The following B3GALT5 variants were observed in gnomAD, a reference collection of about 807,000 sequenced individuals.
The protein encoded by B3GALT5 is beta-1,3-galactosyltransferase 5.
For synonymous variants in B3GALT5, 156 were observed against 158.6 expected, an observed-to-expected ratio of 0.98 and a Z score of 0.12; for missense variants, 328 against 396.6, an observed-to-expected ratio of 0.83 and a Z score of 1.47.
intron 1 of B3GALT5, among the ~76,000 whole-genome samples, chr21:39,641,576 C>T (rs1445063987): frequency 6.6e-6 from 1 of 152,138 alleles, no homozygotes; most frequent in Non-Finnish European, 1.5e-5. Flanking sequence ...TCTGGAATAG[C>T]TCATTCCACC....
chr21:39,642,054 G>T (rs183725959), intron 1 of B3GALT5, among the ~76,000 whole-genome samples: 1 of 152,288 alleles, frequency 6.6e-6, no homozygotes, highest in Admixed American at 6.5e-5. Context: ...TGTCTGTCCT[G>T]TAGTACCTTG....
At position 39,661,458 on chromosome 21, in the gene B3GALT5, A is replaced by G; in HGVS notation, c.899A>G (p.Glu300Gly). 1 of 1,515,150 alleles carries G rather than the reference A, an allele frequency of 6.6e-7. No individual in the cohort carries two copies. Among genetic ancestry groups the G allele is most frequent in the South Asian group, 1.4e-5 (1 of 73,752 alleles). 93.9% of individuals were successfully genotyped at this position (1,515,150 alleles called of 1,614,324 possible). Reference sequence around the variant, plus strand: ...CTCTTGGACTACTGGCAGGCTCTAGAGAATTCCCGGGGGGAAGATTGTCCG... The same window carrying G: ...CTCTTGGACTACTGGCAGGCTCTAGGGAATTCCCGGGGGGAAGATTGTCCG... ...RTLLDYWQAL[E>G]NSRGEDCPPV is the part of the protein sequence containing the mutation. Residue 300 changes from glutamate (E) to glycine (G), a missense_variant, in exon 4 of 4, where the codon GAG becomes GGG. Transcript: ENST00000684187. The surrounding 1 kb of genome is among the most constrained non-coding windows in gnomAD (Gnocchi z 4.7).
In B3GALT5 at chr21:39,661,467, G is replaced by A. The variant is rs373479020; in HGVS notation, c.908G>A (p.Arg303Gln). ...TACTGGCAGGCTCTAGAGAATTCCC[G>A]GGGGGAAGATTGTCCGCCTGTCTGA... Reference protein sequence around the residue: ...LDYWQALENSRGEDCPPV With the variant: ...LDYWQALENSQGEDCPPV The change falls in exon 4 of 4, where the codon CGG becomes CAG. Residue 303 changes from arginine (R) to glutamine (Q), a missense_variant. Physicochemically the swap from Arg to Gln is conservative, Grantham distance 43 (BLOSUM62 1). Coordinates refer to ENST00000684187, the MANE Select transcript of B3GALT5 (RefSeq NM_001356336.2). This position sits in a 1 kb window ranked among gnomAD's most constrained non-coding sequence, Gnocchi z 4.7. 97 of 1,509,610 alleles carry A rather than the reference G, an allele frequency of 6.4e-5. No homozygotes were observed. The highest frequency in any genetic ancestry group is 1.8e-4 in the Middle Eastern group (1 of 5,544). 93.5% of individuals were successfully genotyped at this position (1,509,610 alleles called of 1,614,324 possible).
rs555727020 is a variant in B3GALT5, at chr21:39,665,165, A to C, written c.*3673A>C. ...GGCCACTCCATCTTCCTGCAGCTCAAGTGGGAAGCCCTGGAGCCATTCCGA... is the reference window on the plus strand; with the variant it reads ...GGCCACTCCATCTTCCTGCAGCTCACGTGGGAAGCCCTGGAGCCATTCCGA... On this transcript the variant is annotated 3_prime_UTR_variant, in exon 4 of 4. Coordinates refer to ENST00000684187, the MANE Select transcript of B3GALT5 (RefSeq NM_001356336.2). The C allele has an allele frequency of 6.6e-6, 1 of 152,176 alleles. No homozygotes were observed. The highest frequency in any genetic ancestry group is 6.5e-5 in the Admixed American group (1 of 15,274). 9.4% of individuals were successfully genotyped at this position (152,176 alleles called of 1,614,324 possible). A position where few individuals can be genotyped will look rare whatever the true frequency, so the allele number is the denominator to read the frequency against.
chr21:39,646,511 G>A lies in B3GALT5; in HGVS notation c.-272G>A, dbSNP rs1169193502. 1 of 152,168 alleles carries A rather than the reference G, an allele frequency of 6.6e-6. No individual in the cohort carries two copies. Among genetic ancestry groups the A allele is most frequent in the Non-Finnish European group, 1.5e-5 (1 of 68,032 alleles). The allele number at this position is 152,168 out of a possible 1,614,324, so 9.4% of individuals were successfully genotyped here. On this transcript the variant is annotated 5_prime_UTR_variant, in exon 2 of 4. Coordinates refer to ENST00000684187, the MANE Select transcript of B3GALT5 (RefSeq NM_001356336.2). The stretch of plus-strand genomic sequence containing the variant: ...ACATGAGCAGCTTCATTTCTCATTT[G>A]TTCATTCGAAAGTCTCCACTGGGCT...
chr21:39,655,628 T>TG (rs936914416), intron 2 of B3GALT5, among the ~76,000 whole-genome samples: 3 of 151,924 alleles, frequency 2.0e-5, no homozygotes, highest in South Asian at 2.1e-4. Flanking sequence ...ACAATTGGGG[T>TG]GGGGGGCATT....
In B3GALT5 at chr21:39,666,090, T is replaced by G. The variant is rs2079575624; in HGVS notation, c.*4598T>G. ...TTTTCAAAGTAAGCCAACACTGTGG[T>G]TTCACTTGAGTCAGTAAGTAGGAAA... On this transcript the variant is annotated 3_prime_UTR_variant, in exon 4 of 4. Transcript: ENST00000684187. The G allele has an allele frequency of 6.6e-6, 1 of 152,200 alleles. No homozygotes were observed. The highest frequency in any genetic ancestry group is 1.5e-5 in the Non-Finnish European group (1 of 68,026). The allele number at this position is 152,200 out of a possible 1,614,324, so 9.4% of individuals were successfully genotyped here. A position where few individuals can be genotyped will look rare whatever the true frequency, so the allele number is the denominator to read the frequency against.
intron 2 of B3GALT5, among the ~76,000 whole-genome samples, chr21:39,656,809 C>A (rs553015288): frequency 1.3e-5 from 2 of 152,216 alleles, no homozygotes; most frequent in Non-Finnish European, 2.9e-5. Context: ...CCAGATTTCC[C>A]GTTAGAGAGC....
intron 1 of B3GALT5, among the ~76,000 whole-genome samples, chr21:39,618,217 C>T (rs930221128): frequency 2.0e-5 from 3 of 152,040 alleles, no homozygotes; most frequent in Non-Finnish European, 4.4e-5. Context: ...TGTTAATGGA[C>T]GTTTAGATGA....
At chr21:39,626,007 G>A (rs1238093964) in intron 1 of B3GALT5, among the ~76,000 whole-genome samples, 1 of 152,068 alleles carries the variant, frequency 6.6e-6, no homozygotes, top group Admixed American at 6.6e-5. Flanking sequence ...ACGGTATTGT[G>A]TGACCTTCAC....
chr21:39,622,276 A>T (rs1343303707), intron 1 of B3GALT5, among the ~76,000 whole-genome samples: 1 of 152,114 alleles, frequency 6.6e-6, no homozygotes, highest in Non-Finnish European at 1.5e-5. Flanking sequence ...GGTTTAATAA[A>T]TGAAGTTTAT....
At chr21:39,639,432 CTTT>C (rs2079268759) in intron 1 of B3GALT5, among the ~76,000 whole-genome samples, 2 of 103,566 alleles carry the variant, frequency 1.9e-5, no homozygotes, top group African/African-American at 6.9e-5. Context: ...TTCTTTCTTT[CTTT>C]CTTTCTTTCT....
chr21:39,617,188 A>G (rs1402446097), intron 1 of B3GALT5, among the ~76,000 whole-genome samples: 1 of 152,156 alleles, frequency 6.6e-6, no homozygotes, highest in Non-Finnish European at 1.5e-5. Flanking sequence ...TCTGTGATTA[A>G]TTATGGTATT....
chr21:39,663,661 A>G lies in B3GALT5; in HGVS notation c.*2169A>G, dbSNP rs2079550597. On this transcript the variant is annotated 3_prime_UTR_variant, in exon 4 of 4. Coordinates refer to ENST00000684187, the MANE Select transcript of B3GALT5 (RefSeq NM_001356336.2). ...ATGAATAATTCTTTTTCTTGAGGAAAAAACATTATTTCATGAATCTAGAAC... is the reference window on the plus strand; with the variant it reads ...ATGAATAATTCTTTTTCTTGAGGAAGAAACATTATTTCATGAATCTAGAAC... The G allele has an allele frequency of 6.6e-6, 1 of 152,178 alleles. No individual in the cohort carries two copies. The highest frequency in any genetic ancestry group is 2.4e-5 in the African/African-American group (1 of 41,434). The allele number at this position is 152,178 out of a possible 1,614,324, so 9.4% of individuals were successfully genotyped here. A position where few individuals can be genotyped will look rare whatever the true frequency, so the allele number is the denominator to read the frequency against.
At chr21:39,655,260 A>C (rs912570360) in intron 2 of B3GALT5, among the ~76,000 whole-genome samples, 1 of 152,282 alleles carries the variant, frequency 6.6e-6, no homozygotes, top group Admixed American at 6.5e-5. Context: ...GCAGTCAGGC[A>C]GGAGAACTTT....
At chr21:39,647,810 T>C (rs972888374) in intron 2 of B3GALT5, among the ~76,000 whole-genome samples, 3 of 152,242 alleles carry the variant, frequency 2.0e-5, no homozygotes, top group Non-Finnish European at 4.4e-5. Context: ...TGGGAGAAGA[T>C]GTTCTTTGGG....
rs767599297 is a variant in B3GALT5 at position 39,672,425 on chromosome 21, GAAATT to G, written c.*10939_*10943del. ...AAATTTTGCTTTTCCTAAAAGACAC[GAAATT>G]AAATTTACATGTCACTGAATGCTAT... On this transcript the variant is annotated 3_prime_UTR_variant, in exon 4 of 4. Coordinates refer to ENST00000684187, the MANE Select transcript of B3GALT5 (RefSeq NM_001356336.2). The G allele has an allele frequency of 6.2e-4, 95 of 152,304 alleles. No homozygotes were observed. The highest frequency in any genetic ancestry group is 2.2e-3 in the African/African-American group (91 of 41,564). 9.4% of individuals were successfully genotyped at this position (152,304 alleles called of 1,614,324 possible).
At chr21:39,640,862 C>T (rs1199491442) in intron 1 of B3GALT5, among the ~76,000 whole-genome samples, 1 of 152,112 alleles carries the variant, frequency 6.6e-6, no homozygotes, top group East Asian at 1.9e-4. Flanking sequence ...GCCTCAGCCC[C>T]CTGAGTAGCT....
At chr21:39,639,491 T>TTTC (rs2079272723) in intron 1 of B3GALT5, among the ~76,000 whole-genome samples, 1 of 144,572 alleles carries the variant, frequency 6.9e-6, no homozygotes, top group African/African-American at 2.7e-5. Flanking sequence ...TCTTTCTTTC[T>TTTC]TTTTTTTTGA....
Sources: gnomAD v4.1 joint callset for allele counts (sites outside exome capture counted in the v4.1 genomes callset) on GRCh38, gnomAD v4.1.1 for gene constraint, Gnocchi (gnomAD v3.1) non-coding constraint, MANE v1.5 for transcripts, NCBI Gene and HGNC (gene_info 2026-07-23, HGNC 2026-07-21) for gene names.